The following GALNTL6 variants were observed in gnomAD, a reference collection of about 807,000 sequenced individuals.
The protein encoded by GALNTL6 is polypeptide N-acetylgalactosaminyltransferase like 6, also known as polypeptide N-acetylgalactosaminyltransferase-like 6.
A neutral mutation model predicts 73.7 loss-of-function variants in GALNTL6; 46 were observed. The observed-to-expected ratio is 0.62, with a 90% CI of 0.49 to 0.80. GALNTL6 has a LOEUF of 0.80. Among genes scored for constraint, GALNTL6 ranks in the 30% least tolerant of loss-of-function variants. The pLI is 0.00. For synonymous variants in GALNTL6, 259 were observed against 263.7 expected (o/e 0.98, Z 0.17); for missense variants, 604 against 755.0 (o/e 0.80, Z 2.34).
At chr4:171,878,608 TTAAAATA>T (rs1314230574) in intron 2 of GALNTL6, among the ~76,000 whole-genome samples, 1 of 152,212 alleles carries the variant, frequency 6.6e-6, no homozygotes, top group Non-Finnish European at 1.5e-5. Context: ...CAAGACATCT[TTAAAATA>T]TAAAAGCATT....
intron 5 of GALNTL6, among the ~76,000 whole-genome samples, chr4:172,406,189 A>T (rs1744232444): frequency 6.6e-6 from 1 of 151,902 alleles, no homozygotes; most frequent in Non-Finnish European, 1.5e-5. Flanking sequence ...TTACTTATTT[A>T]TTTATTTGTT....
intron 5 of GALNTL6, among the ~76,000 whole-genome samples, chr4:172,545,433 C>G (rs923035952): frequency 6.6e-6 from 1 of 152,222 alleles, no homozygotes; most frequent in Non-Finnish European, 1.5e-5. Context: ...TCACTTCAAT[C>G]CACCTTCCAC....
rs533766615 is a variant in GALNTL6 at position 172,666,953 on chromosome 4, T to C, written c.554-142408T>C. Reference sequence around the variant, plus strand: ...TGAGGAGGGTGAATCATCGTGGATATAGCAGAGAAAAGCAGGCAACTGGTG... The same window carrying C: ...TGAGGAGGGTGAATCATCGTGGATACAGCAGAGAAAAGCAGGCAACTGGTG... On this transcript the variant is annotated intron_variant, in intron 5 of 12. Transcript: ENST00000506823. 4 of 152,326 alleles carry C rather than the reference T, an allele frequency of 2.6e-5. No individual in the cohort carries two copies. In the South Asian group the frequency reaches 8.3e-4, roughly 32 times the overall value. The allele number at this position is 152,326 out of a possible 1,614,324, so 9.4% of individuals were successfully genotyped here.
intron 2 of GALNTL6, among the ~76,000 whole-genome samples, chr4:171,926,005 ATAT>A (rs34630429): frequency 0.23 from 35,219 of 151,846 alleles, 4,348 homozygotes; most frequent in African/African-American, 0.32. Context: ...TTTTACAAAA[ATAT>A]TATTACTGAC....
chr4:173,034,222 G>A (rs535671590), intron 12 of GALNTL6, among the ~76,000 whole-genome samples: 32 of 152,134 alleles, frequency 2.1e-4, no homozygotes, highest in Non-Finnish European at 3.7e-4. Flanking sequence ...GAATCATTGC[G>A]GTAGCCTCTG....
intron 2 of GALNTL6, among the ~76,000 whole-genome samples, chr4:171,908,543 G>C (rs907653520): frequency 6.6e-6 from 1 of 151,934 alleles, no homozygotes; most frequent in South Asian, 2.1e-4. Flanking sequence ...TACACTGTTG[G>C]TGGGACTGTA....
intron 5 of GALNTL6, among the ~76,000 whole-genome samples, chr4:172,446,823 A>G (rs1375162256): frequency 1.3e-5 from 2 of 152,170 alleles, no homozygotes; most frequent in Non-Finnish European, 2.9e-5. Flanking sequence ...AAGAACCCCT[A>G]AACTTTTTGA....
intron 5 of GALNTL6, among the ~76,000 whole-genome samples, chr4:172,362,460 T>C (rs1013569164): frequency 6.6e-6 from 1 of 152,174 alleles, no homozygotes; most frequent in African/African-American, 2.4e-5. Context: ...TCTTCTTATC[T>C]GGGGCATGCT....
intron 8 of GALNTL6, among the ~76,000 whole-genome samples, chr4:172,926,685 A>G (rs1480864287): frequency 6.6e-6 from 1 of 152,204 alleles, no homozygotes; most frequent in African/African-American, 2.4e-5. Flanking sequence ...TGCAGATGAT[A>G]AGAAAGTTTC....
chr4:173,039,612 T>C (rs1448016792), intron 12 of GALNTL6, among the ~76,000 whole-genome samples: 2 of 152,228 alleles, frequency 1.3e-5, no homozygotes, highest in Admixed American at 6.5e-5. Context: ...TTTCAAAATT[T>C]AAGCAGATAG....
intron 2 of GALNTL6, among the ~76,000 whole-genome samples, chr4:171,943,110 A>G (rs888902867): frequency 2.6e-5 from 4 of 152,338 alleles, no homozygotes; most frequent in African/African-American, 9.6e-5. Context: ...AGAAACATTC[A>G]GGAGTTCCCT....
At chr4:172,973,123 T>C (rs1234632633) in intron 10 of GALNTL6, among the ~76,000 whole-genome samples, 1 of 152,182 alleles carries the variant, frequency 6.6e-6, no homozygotes, top group Non-Finnish European at 1.5e-5. Flanking sequence ...CAATTCCTGA[T>C]GCAATAACTG....
At chr4:172,388,894 A>G (rs1246123764) in intron 5 of GALNTL6, among the ~76,000 whole-genome samples, 3 of 152,086 alleles carry the variant, frequency 2.0e-5, no homozygotes, top group Admixed American at 1.3e-4. Flanking sequence ...ATTATTAGCC[A>G]TTTAAAAATA....
chr4:172,571,716 T>C (rs949020825), intron 5 of GALNTL6, among the ~76,000 whole-genome samples: 2 of 152,220 alleles, frequency 1.3e-5, no homozygotes, highest in African/African-American at 4.8e-5. Flanking sequence ...CCCTTCTTTA[T>C]CCTTGACAAA....
At chr4:172,071,936 T>C (rs573289837) in intron 2 of GALNTL6, among the ~76,000 whole-genome samples, 12 of 152,334 alleles carry the variant, frequency 7.9e-5, no homozygotes, top group African/African-American at 2.6e-4. Flanking sequence ...AGTTATCTGT[T>C]CATAAGTCCT....
intron 2 of GALNTL6, among the ~76,000 whole-genome samples, chr4:171,865,569 T>C (rs748033763): frequency 6.6e-6 from 1 of 152,246 alleles, no homozygotes; most frequent in Admixed American, 6.5e-5. Context: ...TACATCCAGA[T>C]AGTTTAGAGA....
At chr4:171,863,384 G>A (rs1055617043) in intron 2 of GALNTL6, among the ~76,000 whole-genome samples, 6 of 152,104 alleles carry the variant, frequency 3.9e-5, no homozygotes, top group African/African-American at 1.4e-4. Flanking sequence ...TAGAAGAGTG[G>A]TGTTTTTGTA....
intron 10 of GALNTL6, among the ~76,000 whole-genome samples, chr4:173,008,759 C>T (rs962729750): frequency 6.6e-6 from 1 of 152,184 alleles, no homozygotes; most frequent in African/African-American, 2.4e-5. Flanking sequence ...GGTCTTTAAA[C>T]TGGCTGCAGT....
intron 2 of GALNTL6, among the ~76,000 whole-genome samples, chr4:172,011,869 A>C (rs1741018093): frequency 6.6e-6 from 1 of 152,130 alleles, no homozygotes; most frequent in South Asian, 2.1e-4. Context: ...AATAGAGATA[A>C]ATTTGCACTT....
Sources: gnomAD v4.1 joint callset for allele counts (sites outside exome capture counted in the v4.1 genomes callset) on GRCh38, gnomAD v4.1.1 for gene constraint, MANE v1.5 for transcripts, NCBI Gene and HGNC (gene_info 2026-07-23, HGNC 2026-07-21) for gene names.